The following ARMC2 variants were observed in gnomAD, a reference collection of about 807,000 sequenced individuals.
ARMC2 encodes the protein armadillo repeat containing 2.
A neutral mutation model predicts 90.3 loss-of-function variants in ARMC2; 67 were observed. The observed-to-expected ratio is 0.74, with a 90% CI of 0.61 to 0.91. The LOEUF is 0.91. Ranked by LOEUF, ARMC2 falls within the 40% of genes least tolerant of loss-of-function variation. The pLI is 0.00. For missense variants in ARMC2, 920 were observed against 1,030.9 expected (o/e 0.89, Z 1.47); for synonymous variants, 393 against 393.0 (o/e 1.00, Z 0.00).
intron 3 of ARMC2, among the ~76,000 whole-genome samples, chr6:108,863,999 T>C (rs952865033): frequency 3.3e-5 from 5 of 152,164 alleles, no homozygotes; most frequent in Non-Finnish European, 7.3e-5. Flanking sequence ...TTAATATTTT[T>C]AAAAGAAAGG....
intron 10 of ARMC2, among the ~76,000 whole-genome samples, chr6:108,915,376 C>T (rs867552923): frequency 6.6e-6 from 1 of 152,236 alleles, no homozygotes; most frequent in African/African-American, 2.4e-5. Flanking sequence ...CAAAAAGATA[C>T]AAGCAGGCAA....
the ARMC2 span, among the ~76,000 whole-genome samples, chr6:109,005,153 G>T: frequency 6.6e-6 from 1 of 152,106 alleles, no homozygotes; most frequent in South Asian, 2.1e-4. Context: ...CTAATAGTAC[G>T]AGGTTGAAAA....
intron 4 of ARMC2, among the ~76,000 whole-genome samples, chr6:108,869,944 T>G (rs966542617): frequency 5.9e-5 from 9 of 152,138 alleles, no homozygotes; most frequent in Admixed American, 5.9e-4. Context: ...TAATAGAAAA[T>G]GTCAGAATAC....
chr6:108,904,553 CAG>C, intron 8 of ARMC2, 148 bp downstream of exon 8: 1 of 684,972 alleles, frequency 1.5e-6, no homozygotes, highest in Non-Finnish European at 2.2e-6. Flanking sequence ...ACTGACATCT[CAG>C]AATTTGACTA....
chr6:108,953,487 G>A (rs1777353186), intron 13 of ARMC2, 136 bp downstream of exon 13: 9 of 846,902 alleles, frequency 1.1e-5, no homozygotes, highest in Non-Finnish European at 1.4e-5. Context: ...GCTGTATGAA[G>A]GAAATTCCCT....
chr6:109,033,747 G>T, the ARMC2 span, among the ~76,000 whole-genome samples: 1 of 152,206 alleles, frequency 6.6e-6, no homozygotes, highest in Non-Finnish European at 1.5e-5. Flanking sequence ...GTTACTGTAT[G>T]ACAGTGCCAA....
At chr6:108,879,879 AT>A (rs1195674899) in intron 5 of ARMC2, 1 of 463,534 alleles carries the variant, frequency 2.2e-6, no homozygotes, top group East Asian at 7.0e-5. Context: ...CAGTTTTCTA[AT>A]GTATAAAATG....
At chr6:108,988,266 C>G in the ARMC2 span, 1 of 270,722 alleles carries the variant, frequency 3.7e-6, no homozygotes, top group Non-Finnish European at 6.9e-6. Flanking sequence ...ACACTTCTAC[C>G]TATACACAGC....
At chr6:108,863,226 G>C (rs1386395286) in intron 3 of ARMC2, among the ~76,000 whole-genome samples, 4 of 152,032 alleles carry the variant, frequency 2.6e-5, no homozygotes, top group Non-Finnish European at 5.9e-5. Context: ...CTCAGTACAG[G>C]TGTGCACCAC....
chr6:109,027,737 C>G, the ARMC2 span, among the ~76,000 whole-genome samples: 1 of 152,086 alleles, frequency 6.6e-6, no homozygotes, highest in Non-Finnish European at 1.5e-5. Context: ...CTCCCCGTCC[C>G]ACAACAAAGC....
intron 11 of ARMC2, 115 bp downstream of exon 11, chr6:108,928,348 C>T (rs577597460): frequency 1.8e-5 from 20 of 1,129,506 alleles, no homozygotes; most frequent in Middle Eastern, 2.9e-4. Flanking sequence ...CTTTTTACTT[C>T]GCCTACCAGA....
chr6:108,948,558 A>C (rs890336622), intron 12 of ARMC2, among the ~76,000 whole-genome samples: 1 of 150,458 alleles, frequency 6.6e-6, no homozygotes, highest in Non-Finnish European at 1.5e-5. Flanking sequence ...CCATTTGTTG[A>C]TCTCGCATGC....
At chr6:108,998,559 T>C in the ARMC2 span, 6 of 1,613,962 alleles carry the variant, frequency 3.7e-6, no homozygotes, top group East Asian at 2.2e-5. Context: ...CACACTGTGA[T>C]TGCCATTTGT....
intron 4 of ARMC2, among the ~76,000 whole-genome samples, chr6:108,873,566 A>G (rs1776645733): frequency 1.3e-5 from 2 of 152,160 alleles, no homozygotes; most frequent in East Asian, 3.8e-4. Context: ...CTGAATGGAA[A>G]TGTGGGGCCC....
chr6:108,991,055 T>C, the ARMC2 span, among the ~76,000 whole-genome samples: 1 of 147,582 alleles, frequency 6.8e-6, no homozygotes, highest in Non-Finnish European at 1.5e-5. Flanking sequence ...TAAAAACTAA[T>C]AGTCTCATCT....
chr6:108,990,224 G>A, the ARMC2 span, among the ~76,000 whole-genome samples: 531 of 152,070 alleles, frequency 3.5e-3, 2 homozygotes, highest in Non-Finnish European at 5.6e-3. Flanking sequence ...TATTATGAGA[G>A]CAAGTACTCC....
At chr6:108,895,781 G>A (rs549778844) in intron 6 of ARMC2, among the ~76,000 whole-genome samples, 32 of 152,332 alleles carry the variant, frequency 2.1e-4, no homozygotes, top group Non-Finnish European at 4.0e-4. Context: ...GTAAGCATGC[G>A]AAGTCAAGTG....
rs569453279 is a variant in ARMC2, at chr6:108,937,958, C to T, written c.1596+959C>T. Among the ~76,000 whole-genome samples, 10 of 152,270 alleles carry T rather than the reference C, an allele frequency of 6.6e-5. No individual in the cohort carries two copies. The East Asian group carries it at 1.7e-3, about 26-fold the overall frequency. On this transcript the variant is annotated intron_variant, in intron 12 of 17. Coordinates refer to ENST00000392644, the MANE Select transcript of ARMC2 (RefSeq NM_032131.6). ...TGATCCGCCCACCTTGGCCTCCCTCCCAAAGTGCTGGGATTATAGGCGTGA... is the reference window on the plus strand; with the variant it reads ...TGATCCGCCCACCTTGGCCTCCCTCTCAAAGTGCTGGGATTATAGGCGTGA...
chr6:108,941,349 A>T (rs1244547174), intron 12 of ARMC2, among the ~76,000 whole-genome samples: 2 of 152,152 alleles, frequency 1.3e-5, no homozygotes, highest in Non-Finnish European at 2.9e-5. Context: ...CAGCTAGTAC[A>T]CTCAGAGCTA....
Sources: allele counts gnomAD v4.1 joint callset (sites outside exome capture counted in the v4.1 genomes callset), GRCh38; gene constraint gnomAD v4.1.1; transcripts MANE v1.5; gene names NCBI Gene and HGNC (gene_info 2026-07-23, HGNC 2026-07-21).